Variants in LNX1 observed in about 807,000 individuals in gnomAD.
LNX1 encodes the protein E3 ubiquitin-protein ligase LNX.
In LNX1, 54 loss-of-function variants were observed where a neutral mutation model predicts 68.4. The observed-to-expected ratio is 0.79, with a 90% CI of 0.63 to 0.99. LNX1 has a LOEUF of 0.99. Among genes scored for constraint, LNX1 ranks in the 50% least tolerant of loss-of-function variants. The probability of loss-of-function intolerance (pLI) is 0.00; values close to 1 mark genes in which losing one functional copy is unlikely to be tolerated. For missense variants in LNX1, 906 were observed against 926.4 expected, an observed-to-expected ratio of 0.98 and a Z score of 0.29; for synonymous variants, 336 against 350.0, an observed-to-expected ratio of 0.96 and a Z score of 0.45.
chr4:53,480,000 T>C (rs1005494669), intron 7 of LNX1, among the ~76,000 whole-genome samples: 5 of 152,236 alleles, frequency 3.3e-5, no homozygotes, highest in Non-Finnish European at 7.3e-5. Flanking sequence ...ATGCCTAGCA[T>C]TCCTTAACTT....
At chr4:53,596,122 G>A (rs1732741053), upstream of LNX1, among the ~76,000 whole-genome samples, 2 of 152,144 alleles carry the variant, frequency 1.3e-5, no homozygotes, top group Non-Finnish European at 1.5e-5. Flanking sequence ...TTAGCATAAC[G>A]CAGATGAGCA....
chr4:53,610,215 T>A (rs1733425822), intron 2 of LNX1, among the ~76,000 whole-genome samples: 1 of 152,136 alleles, frequency 6.6e-6, no homozygotes, highest in African/African-American at 2.4e-5. Context: ...GATTTTATAG[T>A]TAACATTATC....
intron 1 of LNX1, among the ~76,000 whole-genome samples, chr4:53,574,868 T>C (rs1731386106): frequency 6.6e-6 from 1 of 152,266 alleles, no homozygotes; most frequent in Admixed American, 6.5e-5. Flanking sequence ...TATTTGTTAC[T>C]GAATTCATTG....
At chr4:53,563,293 A>T (rs1160794659) in intron 2 of LNX1, among the ~76,000 whole-genome samples, 3 of 152,224 alleles carry the variant, frequency 2.0e-5, no homozygotes, top group Non-Finnish European at 4.4e-5. Flanking sequence ...CCAATGCAAA[A>T]TTTATAAACA....
At chr4:53,471,723 G>A (rs1008095009) in intron 9 of LNX1, among the ~76,000 whole-genome samples, 3 of 152,094 alleles carry the variant, frequency 2.0e-5, no homozygotes, top group Admixed American at 6.5e-5. Flanking sequence ...GCAGCCAACA[G>A]ACACATGAAA....
rs1024315662 is a variant in LNX1, at chr4:53,591,445, C to T, written c.-144G>A. On this transcript the variant is annotated 5_prime_UTR_variant, in exon 1 of 11. Transcript: ENST00000263925. ...AGCAGCAGGCAGGCAGCTCTCATTC[C>T]TTGTGGGTGAACCGAGCAGCTCCTT... The T allele has an allele frequency of 1.7e-5, 17 of 985,662 alleles. No individual in the cohort carries two copies. The highest frequency in any genetic ancestry group is 1.9e-5 in the Non-Finnish European group (16 of 830,260). The allele number at this position is 985,662 out of a possible 1,614,324, so 61.1% of individuals were successfully genotyped here.
At chr4:53,499,411 G>A (rs191786192) in intron 4 of LNX1, among the ~76,000 whole-genome samples, 4 of 152,070 alleles carry the variant, frequency 2.6e-5, no homozygotes, top group Non-Finnish European at 5.9e-5. Context: ...CACCCACCTC[G>A]GCCTCCCAAA....
intron 9 of LNX1, among the ~76,000 whole-genome samples, chr4:53,476,288 A>T (rs1442845721): frequency 1.3e-5 from 2 of 151,880 alleles, no homozygotes; most frequent in Non-Finnish European, 2.9e-5. Flanking sequence ...ACAGAGCAAG[A>T]CTCTATATAA....
At chr4:53,577,958 G>A (rs752219404) in intron 1 of LNX1, among the ~76,000 whole-genome samples, 1 of 152,086 alleles carries the variant, frequency 6.6e-6, no homozygotes, top group African/African-American at 2.4e-5. Context: ...CATGCGCCAG[G>A]CACTGTGCTA....
rs531758143 is a variant in LNX1, at chr4:53,645,110, T to C, written c.-215+7058A>G. 9.2e-5 allele frequency among the ~76,000 whole-genome samples: 14 copies of C among 152,288 alleles called. No homozygotes were observed. In the South Asian group the frequency reaches 2.5e-3, roughly 27 times the overall value. ...GCCAAAAAAGAACAGAAAGTTTGGC[T>C]TAACTCTATTTTTGCCTGTGTTTTT... On this transcript the variant is annotated intron_variant, in intron 1 of 2. Transcript: ENST00000507168.
chr4:53,639,947 T>C (rs1734616539), intron 1 of LNX1, among the ~76,000 whole-genome samples: 1 of 152,006 alleles, frequency 6.6e-6, no homozygotes, highest in Non-Finnish European at 1.5e-5. Context: ...GCACAAAAAT[T>C]GCTTGAACCC....
intron 2 of LNX1, among the ~76,000 whole-genome samples, chr4:53,540,711 C>T (rs1163452247): frequency 6.6e-6 from 1 of 151,752 alleles, no homozygotes; most frequent in African/African-American, 2.4e-5. Context: ...CAAAAAAACC[C>T]CCCTGTTATT....
Position 53,496,142 on chromosome 4 carries a change from C to A in LNX1, c.1231G>T (p.Val411Leu). 1 of 1,614,178 alleles carries A rather than the reference C, an allele frequency of 6.2e-7. No individual in the cohort carries two copies. The highest frequency in any genetic ancestry group is 8.5e-7 in the Non-Finnish European group (1 of 1,180,026). ...VDEPGVFIFN[V>L]LDGGVAYRHG... ...CGATATGCCACACCGCCATCCAGCA[C>A]ATTGAAGATGAAAACCCCAGGCTCA... The change falls in exon 6 of 11, where the codon GTG becomes TTG. Residue 411 changes from valine to leucine, a missense_variant. Transcript: ENST00000263925.
intron 10 of LNX1, 74 bp from the exon 11 acceptor site, chr4:53,461,116 T>C (rs1722010030): frequency 7.6e-7 from 1 of 1,311,554 alleles, no homozygotes; most frequent in South Asian, 1.5e-5. Context: ...TTTATCTTAG[T>C]GGTGCTAGAT....
upstream of LNX1, chr4:53,591,537 T>A (rs1732504745): frequency 3.0e-6 from 3 of 985,354 alleles, no homozygotes; most frequent in Non-Finnish European, 3.6e-6. Flanking sequence ...AGGACGGCAT[T>A]GGTCGCTCCA....
chr4:53,459,436 C>T lies in LNX1; in HGVS notation c.*1471G>A, dbSNP rs1404741115. On this transcript the variant is annotated 3_prime_UTR_variant, in exon 11 of 11. Coordinates refer to ENST00000263925, the MANE Select transcript of LNX1 (RefSeq NM_001126328.3). ...CCTGAACAGGAGAGCACCGAAGCTA[C>T]ACCTGCAGAATAGGCATGGTTTTGG... 2 of 1,613,632 alleles carry T rather than the reference C, an allele frequency of 1.2e-6. No homozygotes were observed. The highest frequency in any genetic ancestry group is 2.2e-5 in the South Asian group (2 of 91,070).
chr4:53,542,487 T>C (rs1430399127), intron 2 of LNX1, among the ~76,000 whole-genome samples: 1 of 152,148 alleles, frequency 6.6e-6, no homozygotes, highest in Non-Finnish European at 1.5e-5. Context: ...AAGAGTGTCC[T>C]AACAATCACC....
intron 2 of LNX1, chr4:53,538,985 C>A (rs181575727): frequency 6.6e-6 from 1 of 152,190 alleles, no homozygotes; most frequent in Non-Finnish European, 1.5e-5. Context: ...GGAGATCTGA[C>A]GGGTTGAAGG....
At chr4:53,517,353 TTG>T (rs1470498742) in intron 2 of LNX1, among the ~76,000 whole-genome samples, 1 of 152,216 alleles carries the variant, frequency 6.6e-6, no homozygotes, top group Non-Finnish European at 1.5e-5. Flanking sequence ...GAAATCTTTA[TTG>T]TGTGAGATAA....
Sources: allele counts gnomAD v4.1 joint callset (sites outside exome capture counted in the v4.1 genomes callset), GRCh38; gene constraint gnomAD v4.1.1; transcripts MANE v1.5; gene names NCBI Gene and HGNC (gene_info 2026-07-23, HGNC 2026-07-21).